Variants in MS4A7 observed in about 807,000 individuals in gnomAD.
MS4A7 encodes the protein membrane spanning 4-domains A7.
A neutral mutation model predicts 23.5 loss-of-function variants in MS4A7; 21 were observed. The ratio of observed to expected loss-of-function variants is 0.89; its 90% confidence interval spans 0.63 to 1.29. The LOEUF is 1.29. MS4A7 is among the 50% of genes most tolerant of loss of function. The pLI, the probability that MS4A7 is intolerant of heterozygous loss-of-function variation, is 0.00. For missense variants in MS4A7, 263 were observed against 274.2 expected (o/e 0.96, Z 0.29); for synonymous variants, 111 against 107.4 (o/e 1.03, Z -0.21).
At position 60,383,306 on chromosome 11, in the gene MS4A7, T is replaced by C; in HGVS notation, c.147+18T>C. The C allele has an allele frequency of 6.2e-7, 1 of 1,613,790 alleles. No individual in the cohort carries two copies. The highest frequency in any genetic ancestry group is 8.5e-7 in the Non-Finnish European group (1 of 1,179,840). The stretch of plus-strand genomic sequence containing the variant: ...TTCTTGGGGTAAGTCCACCTCATTA[T>C]AAGGGGAATACTGAGAAAATACTTT... On this transcript the variant is annotated intron_variant, in intron 2 of 6. Transcript: ENST00000300184.
At chr11:60,387,881 C>T (rs140587193) in intron 4 of MS4A7, among the ~76,000 whole-genome samples, 262 of 152,308 alleles carry the variant, frequency 1.7e-3, no homozygotes, top group African/African-American at 6.0e-3. Flanking sequence ...ACCACATTCA[C>T]CACACCATTT....
chr11:60,387,230 C>A (rs944135502), intron 4 of MS4A7, among the ~76,000 whole-genome samples: 2 of 152,134 alleles, frequency 1.3e-5, no homozygotes, highest in Admixed American at 6.5e-5. Flanking sequence ...AGCCCTTCAG[C>A]GTCAGGGTGA....
At chr11:60,389,821 C>T (rs2085532405) in intron 5 of MS4A7, 1 of 536,504 alleles carries the variant, frequency 1.9e-6, no homozygotes. Flanking sequence ...AGTAGGGAGT[C>T]TATCCCTCCA....
chr11:60,379,539 T>C (rs2085406801), intron 1 of MS4A7, among the ~76,000 whole-genome samples: 1 of 134,988 alleles, frequency 7.4e-6, no homozygotes, highest in Non-Finnish European at 1.7e-5. Context: ...TGTTTGTTTG[T>C]TTGTTTGTTT....
At chr11:60,390,799 C>T (rs1378424618) in intron 5 of MS4A7, among the ~76,000 whole-genome samples, 11 of 152,066 alleles carry the variant, frequency 7.2e-5, no homozygotes. Flanking sequence ...AAGCAGACTC[C>T]AAAGGCCTAC....
At chr11:60,392,574 T>C in intron 5 of MS4A7, 111 bp from the exon 6 acceptor site, 1 of 715,866 alleles carries the variant, frequency 1.4e-6, no homozygotes, top group Non-Finnish European at 2.4e-6. Flanking sequence ...TAAGCAATTT[T>C]CCCTGTCTCC....
At chr11:60,386,878 C>T in intron 4 of MS4A7, 105 bp downstream of exon 4, 2 of 1,027,138 alleles carry the variant, frequency 1.9e-6, no homozygotes, top group Admixed American at 4.9e-5. Flanking sequence ...AGAGAAAAAG[C>T]TTAGAACAGG....
chr11:60,386,909 T>C, intron 4 of MS4A7, 136 bp downstream of exon 4: 1 of 712,558 alleles, frequency 1.4e-6, no homozygotes, highest in South Asian at 2.3e-5. Context: ...CAGGTTTTCC[T>C]GGCTGTCCCA....
At chr11:60,381,460 G>A (rs1206138556) in intron 1 of MS4A7, among the ~76,000 whole-genome samples, 1 of 152,178 alleles carries the variant, frequency 6.6e-6, no homozygotes, top group Non-Finnish European at 1.5e-5. Flanking sequence ...TCCAAACATG[G>A]ATCGACTATT....
chr11:60,392,937 C>T, intron 6 of MS4A7, 151 bp downstream of exon 6: 1 of 603,118 alleles, frequency 1.7e-6, no homozygotes. Context: ...ATGAGTTTAA[C>T]AGTGAAACCC....
chr11:60,392,507 G>A (rs2085563932), intron 5 of MS4A7, among the ~76,000 whole-genome samples, 178 bp from the exon 6 acceptor site: 1 of 152,204 alleles, frequency 6.6e-6, no homozygotes, highest in African/African-American at 2.4e-5. Context: ...TGATGCCGTT[G>A]CTGCTTATTT....
chr11:60,386,582 G>A, intron 3 of MS4A7, 135 bp from the exon 4 acceptor site: 1 of 673,996 alleles, frequency 1.5e-6, no homozygotes, highest in South Asian at 2.1e-5. Context: ...TAGCAATATA[G>A]ATCCACAAGA....
At chr11:60,386,264 T>C (rs1189362256) in intron 3 of MS4A7, among the ~76,000 whole-genome samples, 1 of 152,200 alleles carries the variant, frequency 6.6e-6, no homozygotes, top group African/African-American at 2.4e-5. Flanking sequence ...CCATTCTGAC[T>C]CAAGCAACAT....
chr11:60,384,030 G>C (rs1230540690), intron 2 of MS4A7, among the ~76,000 whole-genome samples: 1 of 152,126 alleles, frequency 6.6e-6, no homozygotes, highest in Admixed American at 6.5e-5. Flanking sequence ...AAGTGTCCCA[G>C]ATCATCATCC....
intron 1 of MS4A7, among the ~76,000 whole-genome samples, chr11:60,379,174 T>A (rs988154382): frequency 6.6e-6 from 1 of 152,240 alleles, no homozygotes; most frequent in Non-Finnish European, 1.5e-5. Flanking sequence ...AGCATCAGTC[T>A]GGAGACTTTT....
At position 60,389,543 on chromosome 11, in the gene MS4A7, T is replaced by G; in HGVS notation, c.493T>G (p.Tyr165Asp). Reference protein sequence around the residue: ...YLSSLPYSEYYYPIYEIKDCL... With the variant: ...YLSSLPYSEYDYPIYEIKDCL... ...ATCCTCATTGCCTTATTCGGAGTAC[T>G]ATTATCCAATATATGAAATCAAAGA... The change falls in exon 5 of 7, where the codon TAT becomes GAT. Residue 165 changes from tyrosine to aspartate, a missense_variant. Physicochemically the swap from Tyr to Asp is radical, Grantham distance 160. Coordinates refer to ENST00000300184, the MANE Select transcript of MS4A7 (RefSeq NM_021201.5). The G allele has an allele frequency of 6.2e-7, 1 of 1,614,128 alleles. No individual in the cohort carries two copies. The highest frequency in any genetic ancestry group is 1.1e-5 in the South Asian group (1 of 91,074).
intron 1 of MS4A7, among the ~76,000 whole-genome samples, chr11:60,380,695 C>G (rs1232824834): frequency 6.6e-6 from 1 of 152,136 alleles, no homozygotes. Context: ...TTGAGCCACA[C>G]AGAGCAAGGT....
chr11:60,394,886 A>G lies in MS4A7; in HGVS notation c.*1025A>G. On this transcript the variant is annotated 3_prime_UTR_variant, in exon 7 of 7. Transcript: ENST00000300184. ...TTTATTTTAAATAAATGAATAAAATAAAATAAAAAAGAATATTCAGTCGTT... is the reference window on the plus strand; with the variant it reads ...TTTATTTTAAATAAATGAATAAAATGAAATAAAAAAGAATATTCAGTCGTT... 3.7e-6 allele frequency: 2 copies of G among 539,146 alleles called. No individual in the cohort carries two copies. Among genetic ancestry groups the G allele is most frequent in the South Asian group, 6.2e-5 (2 of 32,010 alleles). 33.4% of individuals were successfully genotyped at this position (539,146 alleles called of 1,614,324 possible). A position where few individuals can be genotyped will look rare whatever the true frequency, so the allele number is the denominator to read the frequency against.
In MS4A7 at chr11:60,393,876, C is replaced by A. The variant is rs772977289; in HGVS notation, c.*15C>A. On this transcript the variant is annotated 3_prime_UTR_variant, in exon 7 of 7. Transcript: ENST00000300184. Reference sequence around the variant, plus strand: ...CTTGGATATAAGTAACTCTTGGCCTCAGAGGAAGGAAAAGCAACTCAACAC... The same window carrying A: ...CTTGGATATAAGTAACTCTTGGCCTAAGAGGAAGGAAAAGCAACTCAACAC... The A allele has an allele frequency of 1.3e-6, 2 of 1,578,190 alleles. No homozygotes were observed. The highest frequency in any genetic ancestry group is 1.8e-5 in the Admixed American group (1 of 55,010).
Sources: gnomAD v4.1 joint callset for allele counts (sites outside exome capture counted in the v4.1 genomes callset) on GRCh38, gnomAD v4.1.1 for gene constraint, MANE v1.5 for transcripts, NCBI Gene and HGNC (gene_info 2026-07-23, HGNC 2026-07-21) for gene names.